Variants in QTGAL observed in about 807,000 individuals in gnomAD.
QTGAL encodes the protein queuosine-tRNA galactosyltransferase.
the QTGAL span, among the ~76,000 whole-genome samples, chr17:82,984,503 A>G: frequency 6.2e-5 from 8 of 129,202 alleles, no homozygotes; most frequent in African/African-American, 1.9e-4. Context: ...AGGAGGACGC[A>G]GGGAGAGGCC....
At chr17:83,013,420 C>T in the QTGAL span, among the ~76,000 whole-genome samples, 11 of 120,998 alleles carry the variant, frequency 9.1e-5, no homozygotes, top group South Asian at 3.5e-4. Flanking sequence ...CCCCCCCAAA[C>T]CCCCACACCC....
At chr17:83,038,915 T>C in the QTGAL span, among the ~76,000 whole-genome samples, 1 of 138,948 alleles carries the variant, frequency 7.2e-6, no homozygotes, top group African/African-American at 2.6e-5. Flanking sequence ...ACCAATTTGT[T>C]TACACACATT....
the QTGAL span, among the ~76,000 whole-genome samples, chr17:83,034,689 A>G: frequency 3.3e-5 from 5 of 152,022 alleles, no homozygotes; most frequent in African/African-American, 1.2e-4. Context: ...GGGGGCGGGC[A>G]TTTCTGTTCT....
At chr17:82,973,821 G>C in the QTGAL span, among the ~76,000 whole-genome samples, 1 of 152,198 alleles carries the variant, frequency 6.6e-6, no homozygotes, top group Admixed American at 6.5e-5. Context: ...TGGAGCTCAG[G>C]GGCTCTCAGG....
At chr17:83,042,323 C>T in the QTGAL span, among the ~76,000 whole-genome samples, 70 of 152,328 alleles carry the variant, frequency 4.6e-4, no homozygotes, top group East Asian at 0.011. Flanking sequence ...ACCAAGATCA[C>T]GCCACTGCGC....
the QTGAL span, among the ~76,000 whole-genome samples, chr17:82,986,877 C>G: frequency 2.6e-5 from 4 of 152,106 alleles, no homozygotes; most frequent in East Asian, 7.7e-4. Flanking sequence ...CGTCCTGGCA[C>G]CCCTCATGGG....
At chr17:82,990,114 G>A in the QTGAL span, among the ~76,000 whole-genome samples, 3 of 152,122 alleles carry the variant, frequency 2.0e-5, no homozygotes, top group African/African-American at 7.2e-5. Context: ...ACATTTTCCC[G>A]TCTTCCATGC....
the QTGAL span, among the ~76,000 whole-genome samples, chr17:82,973,929 C>A: frequency 6.6e-6 from 1 of 152,100 alleles, no homozygotes; most frequent in Non-Finnish European, 1.5e-5. Context: ...CCCAGGTGGG[C>A]CCCGTGTACC....
At chr17:83,009,740 C>T in the QTGAL span, among the ~76,000 whole-genome samples, 182 of 152,082 alleles carry the variant, frequency 1.2e-3, 1 homozygote, top group African/African-American at 4.2e-3. Context: ...AAGGAGGGGC[C>T]GGGCTGAGGC....
chr17:82,992,828 T>C, the QTGAL span, among the ~76,000 whole-genome samples: 5 of 152,142 alleles, frequency 3.3e-5, no homozygotes. Flanking sequence ...AAAGTTAAGG[T>C]ATAGAGTTTT....
the QTGAL span, among the ~76,000 whole-genome samples, chr17:82,951,025 G>A: frequency 1.3e-5 from 2 of 152,160 alleles, no homozygotes. Flanking sequence ...TCGAATTTTT[G>A]CAATCAGATC....
chr17:83,012,778 T>C, the QTGAL span, among the ~76,000 whole-genome samples: 18 of 152,148 alleles, frequency 1.2e-4, no homozygotes, highest in Non-Finnish European at 2.1e-4. Context: ...GAAGGACATT[T>C]TCCCCCATTT....
chr17:82,985,730 C>G, the QTGAL span, among the ~76,000 whole-genome samples: 6 of 152,280 alleles, frequency 3.9e-5, no homozygotes, highest in East Asian at 1.2e-3. Context: ...AATCAGGAGC[C>G]CAGGGTTGAT....
At chr17:83,048,929 C>T in the QTGAL span, 1 of 673,104 alleles carries the variant, frequency 1.5e-6, no homozygotes, top group Non-Finnish European at 2.7e-6. Flanking sequence ...TCTTAACATG[C>T]TTGTAAGATT....
the QTGAL span, among the ~76,000 whole-genome samples, chr17:83,044,877 C>T: frequency 9.0e-4 from 137 of 151,566 alleles, no homozygotes; most frequent in African/African-American, 3.1e-3. Context: ...ACCCAGGTGG[C>T]GGAGCTTGCA....
At chr17:83,014,425 G>A in the QTGAL span, 1 of 1,607,122 alleles carries the variant, frequency 6.2e-7, no homozygotes, top group Non-Finnish European at 8.5e-7. Context: ...ACTAAAGGTA[G>A]TAACGACACT....
chr17:82,957,426 G>A, the QTGAL span: 1 of 1,612,796 alleles, frequency 6.2e-7, no homozygotes, highest in Non-Finnish European at 8.5e-7. Context: ...GTTCCAGATG[G>A]TGAAGGCCGC....
At chr17:83,044,149 T>G in the QTGAL span, among the ~76,000 whole-genome samples, 1 of 152,324 alleles carries the variant, frequency 6.6e-6, no homozygotes, top group East Asian at 1.9e-4. Context: ...CCAGTATTAC[T>G]CTGATACCGA....
At chr17:83,028,820 C>T in the QTGAL span, among the ~76,000 whole-genome samples, 2 of 152,104 alleles carry the variant, frequency 1.3e-5, no homozygotes, top group Non-Finnish European at 2.9e-5. Context: ...ATGTTAATGG[C>T]GTCTTTATTC....
Sources: gnomAD v4.1 joint callset for allele counts (sites outside exome capture counted in the v4.1 genomes callset) on GRCh38, gnomAD v4.1.1 for gene constraint, MANE v1.5 for transcripts, NCBI Gene and HGNC (gene_info 2026-07-23, HGNC 2026-07-21) for gene names.